The following SAMD4A variants were observed in gnomAD, a reference collection of about 807,000 sequenced individuals.
The protein encoded by SAMD4A is protein Smaug homolog 1.
A neutral mutation model predicts 81.3 loss-of-function variants in SAMD4A; 33 were observed. That is an observed-to-expected ratio of 0.41 (90% CI 0.31 to 0.54). SAMD4A has a LOEUF of 0.54. SAMD4A is among the 20% of genes least tolerant of loss of function. The pLI is 0.37. For synonymous variants in SAMD4A, 389 were observed against 382.1 expected, an observed-to-expected ratio of 1.02 and a Z score of -0.21; for missense variants, 854 against 951.1, an observed-to-expected ratio of 0.90 and a Z score of 1.34.
intron 2 of SAMD4A, among the ~76,000 whole-genome samples, chr14:54,629,821 A>G (rs1043594791): frequency 2.0e-5 from 3 of 152,178 alleles, no homozygotes; most frequent in Non-Finnish European, 4.4e-5. Flanking sequence ...GTGTGTGTAT[A>G]TTAAACAATC....
At position 54,665,628 on chromosome 14, in the gene SAMD4A, C is replaced by T. The variant is rs1412280302; in HGVS notation, c.197-36434C>T. 2.0e-5 allele frequency among the ~76,000 whole-genome samples: 3 copies of T among 152,180 alleles called. No individual in the cohort carries two copies. In the East Asian group the frequency reaches 5.8e-4, roughly 29 times the overall value. On this transcript the variant is annotated intron_variant, in intron 2 of 12. Coordinates refer to ENST00000554335, the MANE Select transcript of SAMD4A (RefSeq NM_015589.6). ...TCAGGGCATAGATCCAAATTCAGAGCAGATGGTGGGAAAGATGAATGGCCA... is the reference window on the plus strand; with the variant it reads ...TCAGGGCATAGATCCAAATTCAGAGTAGATGGTGGGAAAGATGAATGGCCA...
At chr14:54,721,627 C>T (rs1306226877) in intron 3 of SAMD4A, among the ~76,000 whole-genome samples, 1 of 152,156 alleles carries the variant, frequency 6.6e-6, no homozygotes, top group Non-Finnish European at 1.5e-5. Context: ...TAAGGGGCTG[C>T]CTGAAGATCA....
intron 6 of SAMD4A, among the ~76,000 whole-genome samples, chr14:54,753,610 T>G (rs1296721392): frequency 6.8e-6 from 1 of 147,058 alleles, no homozygotes; most frequent in East Asian, 1.9e-4. Flanking sequence ...GATCTCTCTT[T>G]CTTTTCCCTA....
chr14:54,652,149 T>C (rs1453529252), intron 2 of SAMD4A, among the ~76,000 whole-genome samples: 2 of 152,240 alleles, frequency 1.3e-5, no homozygotes, highest in African/African-American at 4.8e-5. Flanking sequence ...CATAACCATC[T>C]AGAATTCTCC....
intron 2 of SAMD4A, among the ~76,000 whole-genome samples, chr14:54,611,311 A>T (rs1335640437): frequency 6.6e-6 from 1 of 152,144 alleles, no homozygotes; most frequent in Non-Finnish European, 1.5e-5. Context: ...AGTGGCCTTC[A>T]CAGCTTGACA....
At chr14:54,778,212 T>TCATACTGAATCTTCCC (rs1233441136) in intron 11 of SAMD4A, among the ~76,000 whole-genome samples, 2 of 152,240 alleles carry the variant, frequency 1.3e-5, no homozygotes, top group African/African-American at 2.4e-5. Flanking sequence ...TCCTCTTTGT[T>TCATACTGAATCTTCCC]CATACTGAAT....
chr14:54,705,382 G>A (rs901455784), intron 3 of SAMD4A, among the ~76,000 whole-genome samples: 3 of 152,268 alleles, frequency 2.0e-5, no homozygotes, highest in Admixed American at 6.5e-5. Flanking sequence ...AATAGAAATT[G>A]GGTTGGACTT....
rs755255535 is a variant in SAMD4A, at chr14:54,775,034, G to A, written c.1816G>A (p.Val606Ile). Reference sequence around the variant, plus strand: ...CCAGTACCAGATCCCCTCTCGGAACGTCCCTTCCGCCCGCCTGGGCCTCTT... The same window carrying A: ...CCAGTACCAGATCCCCTCTCGGAACATCCCTTCCGCCCGCCTGGGCCTCTT... ...PRQYQIPSRN[V>I]PSARLGLLGT... Residue 606 changes from valine (V) to isoleucine (I), a missense_variant, in exon 10 of 13, where the codon GTC becomes ATC. Around this residue, in one of 3 missense-constraint regions of SAMD4A, gnomAD observed 428 missense variants for 471.2 expected, o/e 0.91. Transcript: ENST00000554335. 4.2e-5 allele frequency: 67 copies of A among 1,614,082 alleles called. No homozygotes were observed. In the Admixed American group the frequency reaches 7.7e-4, roughly 18 times the overall value.
At chr14:54,652,888 T>A (rs1177245882) in intron 2 of SAMD4A, 2 of 152,184 alleles carry the variant, frequency 1.3e-5, no homozygotes, top group African/African-American at 4.8e-5. Context: ...TAATCCTATT[T>A]CTATTCGAAA....
chr14:54,603,454 A>G (rs568849222), intron 2 of SAMD4A, among the ~76,000 whole-genome samples: 2 of 152,344 alleles, frequency 1.3e-5, no homozygotes, highest in East Asian at 3.9e-4. Context: ...CTCTTGCTTC[A>G]AGATAGTAGG....
intron 2 of SAMD4A, among the ~76,000 whole-genome samples, chr14:54,644,118 T>C (rs2035233979): frequency 6.6e-6 from 1 of 152,166 alleles, no homozygotes; most frequent in African/African-American, 2.4e-5. Context: ...AAAAACAAAG[T>C]CTACCTTTTG....
chr14:54,610,321 T>C (rs556131494), intron 2 of SAMD4A, among the ~76,000 whole-genome samples: 6 of 152,240 alleles, frequency 3.9e-5, no homozygotes, highest in South Asian at 4.2e-4. Context: ...AACTTTACCA[T>C]GTAAAGAAGG....
rs183063263 is a variant in SAMD4A, at chr14:54,704,543, G to C, written c.715+1963G>C. Among the ~76,000 whole-genome samples, 8 of 152,228 alleles carry C rather than the reference G, an allele frequency of 5.3e-5. No individual in the cohort carries two copies. The East Asian group carries it at 1.5e-3, about 29-fold the overall frequency. On this transcript the variant is annotated intron_variant, in intron 3 of 12. Coordinates refer to ENST00000554335, the MANE Select transcript of SAMD4A (RefSeq NM_015589.6). The stretch of plus-strand genomic sequence containing the variant: ...TCATCAAGCACCTATTTCTGGCTGT[G>C]GCCACCCAGCCAGACCCATAGAGGG...
chr14:54,571,835 C>T (rs982080054), intron 2 of SAMD4A, among the ~76,000 whole-genome samples: 2 of 152,134 alleles, frequency 1.3e-5, no homozygotes, highest in African/African-American at 4.8e-5. Context: ...GGATGAGGGG[C>T]TGTCACCCTC....
At position 54,567,600 on chromosome 14, in the gene SAMD4A, G is replaced by T. The variant is rs898684069; in HGVS notation, c.-317G>T. The T allele has an allele frequency of 2.3e-5, 8 of 346,574 alleles. No individual in the cohort carries two copies. Among genetic ancestry groups the T allele is most frequent in the South Asian group, 3.3e-5 (1 of 29,866 alleles). 21.5% of individuals were successfully genotyped at this position (346,574 alleles called of 1,614,324 possible). A position where few individuals can be genotyped will look rare whatever the true frequency, so the allele number is the denominator to read the frequency against. On this transcript the variant is annotated 5_prime_UTR_variant, in exon 2 of 13. Coordinates refer to ENST00000554335, the MANE Select transcript of SAMD4A (RefSeq NM_015589.6). ...ATCACCATCCCAAAGCTGCAAGAAG[G>T]GGGGAGAAAGCATTCTTCATTCAGT...
At chr14:54,627,274 T>A (rs570437773) in intron 2 of SAMD4A, among the ~76,000 whole-genome samples, 7 of 152,198 alleles carry the variant, frequency 4.6e-5, no homozygotes, top group African/African-American at 1.2e-4. Context: ...ACTTTTTTTT[T>A]AAAGAAATTT....
intron 3 of SAMD4A, among the ~76,000 whole-genome samples, chr14:54,727,633 C>G (rs552161160): frequency 7.2e-5 from 11 of 152,286 alleles, no homozygotes; most frequent in African/African-American, 2.6e-4. Flanking sequence ...TCCACCTTAG[C>G]TGGGAGCAAG....
chr14:54,790,357 T>C lies in SAMD4A; in HGVS notation c.*1413T>C, dbSNP rs1243784087. ...GATTTCAAGATGGAAATGACAGCGC[T>C]ATCCGCACAGTATGAATTAGGGATT... On this transcript the variant is annotated 3_prime_UTR_variant, in exon 13 of 13. Coordinates refer to ENST00000554335, the MANE Select transcript of SAMD4A (RefSeq NM_015589.6). 1 of 152,278 alleles carries C rather than the reference T, an allele frequency of 6.6e-6. No individual in the cohort carries two copies. Among genetic ancestry groups the C allele is most frequent in the African/African-American group, 2.4e-5 (1 of 41,464 alleles). 9.4% of individuals were successfully genotyped at this position (152,278 alleles called of 1,614,324 possible). A position where few individuals can be genotyped will look rare whatever the true frequency, so the allele number is the denominator to read the frequency against.
intron 4 of SAMD4A, among the ~76,000 whole-genome samples, chr14:54,738,343 G>A (rs917347151): frequency 1.3e-5 from 2 of 152,094 alleles, no homozygotes; most frequent in Non-Finnish European, 2.9e-5. Flanking sequence ...AGGGAGCACC[G>A]GACTGAAAAA....
Sources: gnomAD v4.1 joint callset for allele counts (sites outside exome capture counted in the v4.1 genomes callset) on GRCh38, gnomAD v4.1.1 for gene constraint, gnomAD v4.1.1 regional missense constraint, MANE v1.5 for transcripts, NCBI Gene and HGNC (gene_info 2026-07-23, HGNC 2026-07-21) for gene names.